The following CNTN4 variants were observed in gnomAD, a reference collection of about 807,000 sequenced individuals.
CNTN4 encodes the protein contactin 4, also known as contactin-4.
A neutral mutation model predicts 122.5 loss-of-function variants in CNTN4; 77 were observed. The ratio of observed to expected loss-of-function variants is 0.63; its 90% CI spans 0.52 to 0.76. The LOEUF is 0.76. Ranked by LOEUF, CNTN4 falls within the 30% of genes least tolerant of loss-of-function variation. The probability of loss-of-function intolerance (pLI) is 0.00; values close to 1 mark genes in which losing one functional copy is unlikely to be tolerated. For missense variants in CNTN4, 1,256 were observed against 1,259.1 expected (o/e 1.00, Z 0.04); for synonymous variants, 512 against 447.0 (o/e 1.15, Z -1.83).
intron 2 of CNTN4, among the ~76,000 whole-genome samples, chr3:2,323,229 C>G (rs565700827): frequency 1.3e-5 from 2 of 152,144 alleles, no homozygotes; most frequent in African/African-American, 4.8e-5. Flanking sequence ...ATAGGAAAGC[C>G]GGCTGAGCTA....
rs1166644114 is a variant in CNTN4 at position 2,533,695 on chromosome 3, C to T, written c.-88-37721C>T. 2.6e-5 allele frequency among the ~76,000 whole-genome samples: 4 copies of T among 152,148 alleles called. No homozygotes were observed. In the East Asian group the frequency reaches 7.7e-4, roughly 29 times the overall value. ...CAAATGGTATTTCTAGTTCTAGATC[C>T]TTGAGGAATCACCACAATGTCTTCC... is the stretch of plus-strand genomic sequence containing the variant. On this transcript the variant is annotated intron_variant, in intron 3 of 24. Coordinates refer to ENST00000418658, the MANE Select transcript of CNTN4 (RefSeq NM_175607.3).
chr3:2,495,353 A>G (rs189233773), intron 3 of CNTN4, among the ~76,000 whole-genome samples: 313 of 152,334 alleles, frequency 2.1e-3, no homozygotes, highest in African/African-American at 7.3e-3. Context: ...TTGAAAGCCA[A>G]TATCACATCT....
chr3:2,958,476 G>A (rs903488081), intron 13 of CNTN4, among the ~76,000 whole-genome samples: 2 of 152,116 alleles, frequency 1.3e-5, no homozygotes, highest in African/African-American at 4.8e-5. Context: ...TGCTACCTTT[G>A]TAATGTGCTT....
chr3:2,877,857 C>A (rs903835982), intron 8 of CNTN4, among the ~76,000 whole-genome samples: 2 of 152,040 alleles, frequency 1.3e-5, no homozygotes, highest in African/African-American at 4.8e-5. Flanking sequence ...AAAAAGGAAA[C>A]AGCTTTTAAA....
intron 7 of CNTN4, among the ~76,000 whole-genome samples, chr3:2,835,311 A>T (rs868805407): frequency 6.6e-5 from 10 of 152,188 alleles, no homozygotes; most frequent in South Asian, 4.1e-4. Flanking sequence ...TAAAGCTAAA[A>T]GTTTGGGAAT....
chr3:2,494,371 A>G (rs1237017994), intron 3 of CNTN4, among the ~76,000 whole-genome samples: 1 of 152,184 alleles, frequency 6.6e-6, no homozygotes, highest in African/African-American at 2.4e-5. Flanking sequence ...CTTACAGGTA[A>G]TGGGTAGATT....
At chr3:2,677,168 G>GATAT (rs1461796392) in intron 4 of CNTN4, among the ~76,000 whole-genome samples, 1 of 147,560 alleles carries the variant, frequency 6.8e-6, no homozygotes, top group Non-Finnish European at 1.5e-5. Context: ...TAGATAGATA[G>GATAT]ATAGATGTGT....
At chr3:2,195,632 T>C (rs997082645) in intron 2 of CNTN4, among the ~76,000 whole-genome samples, 5 of 152,198 alleles carry the variant, frequency 3.3e-5, no homozygotes, top group Non-Finnish European at 7.3e-5. Flanking sequence ...GGAAGAGAAA[T>C]ATTCAACACC....
At chr3:3,001,612 C>T (rs564945038) in intron 14 of CNTN4, among the ~76,000 whole-genome samples, 5 of 152,068 alleles carry the variant, frequency 3.3e-5, no homozygotes, top group Non-Finnish European at 4.4e-5. Context: ...CTAATTATTC[C>T]GTATTATCTT....
At position 2,385,131 on chromosome 3, in the gene CNTN4, A is replaced by G. The variant is rs1329284817; in HGVS notation, c.-89+45898A>G. Among the ~76,000 whole-genome samples the G allele has an allele frequency of 1.3e-5, 2 of 152,182 alleles. No individual in the cohort carries two copies. The highest frequency in any genetic ancestry group is 2.9e-5 in the Non-Finnish European group (2 of 68,034). ...AGAGTGACCTGTTAAAAGTATAAACATATCATTTTCTACTTTAAACCATAA... is the reference window on the plus strand; with the variant it reads ...AGAGTGACCTGTTAAAAGTATAAACGTATCATTTTCTACTTTAAACCATAA... On this transcript the variant is annotated intron_variant, in intron 3 of 24. Transcript: ENST00000418658. This position sits in a 1 kb window ranked among gnomAD's most constrained non-coding sequence, Gnocchi z 4.0.
intron 2 of CNTN4, among the ~76,000 whole-genome samples, chr3:2,130,736 A>T (rs966165276): frequency 1.3e-5 from 2 of 152,216 alleles, no homozygotes; most frequent in Non-Finnish European, 2.9e-5. Flanking sequence ...TTGAATAAAC[A>T]GGTTTTTTGA....
chr3:2,399,933 C>T (rs547995838), intron 3 of CNTN4, among the ~76,000 whole-genome samples: 5 of 151,986 alleles, frequency 3.3e-5, no homozygotes, highest in Non-Finnish European at 7.4e-5. Flanking sequence ...TCTTCAGATA[C>T]AATCAATAAA....
intron 2 of CNTN4, among the ~76,000 whole-genome samples, chr3:2,102,538 G>C (rs1238879859): frequency 6.6e-6 from 1 of 152,156 alleles, no homozygotes; most frequent in Non-Finnish European, 1.5e-5. Context: ...TGAAGTCCCA[G>C]AATGGGTGAT....
At position 2,578,832 on chromosome 3, in the gene CNTN4, A is replaced by T. The variant is rs913973495; in HGVS notation, c.55+7274A>T. Among the ~76,000 whole-genome samples, 135 of 152,352 alleles carry T rather than the reference A, an allele frequency of 8.9e-4. 1 individual carries two copies. Among genetic ancestry groups the T allele is most frequent in the African/African-American group, 3.1e-3 (131 of 41,590 alleles). The stretch of plus-strand genomic sequence containing the variant: ...GTGGTAGAAAGACTTAGTCAAGAAG[A>T]CAGCTAATAACTAGATTAAAAAGCA... On this transcript the variant is annotated intron_variant, in intron 4 of 24. Coordinates refer to ENST00000418658, the MANE Select transcript of CNTN4 (RefSeq NM_175607.3).
At chr3:2,416,562 T>C (rs2047420864) in intron 3 of CNTN4, among the ~76,000 whole-genome samples, 1 of 152,244 alleles carries the variant, frequency 6.6e-6, no homozygotes, top group South Asian at 2.1e-4. Context: ...TGACTCTTCA[T>C]GTTTCCTCAT....
intron 2 of CNTN4, among the ~76,000 whole-genome samples, chr3:2,138,054 ATTC>A (rs1269302170): frequency 6.4e-4 from 95 of 147,376 alleles, no homozygotes; most frequent in Middle Eastern, 3.5e-3. Context: ...ACCTCCCAAT[ATTC>A]TTCTTCTTCT....
chr3:3,023,173 T>C (rs1166718685), intron 14 of CNTN4, among the ~76,000 whole-genome samples: 1 of 152,210 alleles, frequency 6.6e-6, no homozygotes, highest in African/African-American at 2.4e-5. Flanking sequence ...ACATACACTT[T>C]GAGAAAACCA....
intron 2 of CNTN4, among the ~76,000 whole-genome samples, chr3:2,172,964 GTAT>G (rs1412621772): frequency 1.3e-5 from 2 of 152,174 alleles, no homozygotes; most frequent in Non-Finnish European, 2.9e-5. Context: ...TATGTGACAG[GTAT>G]TATTGGCACT....
chr3:2,834,898 C>CTTTTTTTTTTTTTTCTTTTTTTTT (rs60033461), intron 7 of CNTN4, among the ~76,000 whole-genome samples: 2 of 60,450 alleles, frequency 3.3e-5, no homozygotes, highest in African/African-American at 1.5e-4. Context: ...TAAAGGCAAC[C>CTTTTTTTTTTTTTTCTTTTTTTTT]TTTTTTTTTT....
Sources: allele counts gnomAD v4.1 joint callset (sites outside exome capture counted in the v4.1 genomes callset), GRCh38; gene constraint gnomAD v4.1.1; non-coding constraint Gnocchi (gnomAD v3.1); transcripts MANE v1.5; gene names NCBI Gene and HGNC (gene_info 2026-07-23, HGNC 2026-07-21).